Variants in HACE1 observed in about 807,000 individuals in gnomAD.
HACE1 encodes the protein E3 ubiquitin-protein ligase HACE1.
A neutral mutation model predicts 118.4 loss-of-function variants in HACE1; 73 were observed. That is an observed-to-expected ratio of 0.62 (90% CI 0.51 to 0.75). The LOEUF (loss-of-function observed/expected upper bound fraction) is 0.75, where lower values mean the gene tolerates loss of function less well. HACE1 is among the 30% of genes least tolerant of loss of function. The pLI, the probability that HACE1 is intolerant of heterozygous loss-of-function variation, is 0.00. For synonymous variants in HACE1, 368 were observed against 374.8 expected, an observed-to-expected ratio of 0.98 and a Z score of 0.21; for missense variants, 749 against 1,102.2, an observed-to-expected ratio of 0.68 and a Z score of 4.54.
At chr6:104,823,324 C>T (rs1166900467) in intron 6 of HACE1, among the ~76,000 whole-genome samples, 4 of 151,862 alleles carry the variant, frequency 2.6e-5, no homozygotes, top group Non-Finnish European at 5.9e-5. Flanking sequence ...ATCCCAGCTA[C>T]TTCGGAGGCT....
intron 20 of HACE1, among the ~76,000 whole-genome samples, 189 bp from the exon 21 acceptor site, chr6:104,744,799 A>G (rs926834412): frequency 4.6e-5 from 7 of 152,186 alleles, no homozygotes; most frequent in African/African-American, 1.7e-4. Flanking sequence ...AATCTCAAAT[A>G]TTATAAGATG....
intron 6 of HACE1, 32 bp downstream of exon 6, chr6:104,833,010 A>G: frequency 6.3e-7 from 1 of 1,595,790 alleles, no homozygotes; most frequent in Non-Finnish European, 8.6e-7. Context: ...AAACAAACAC[A>G]TGCAGCTTAA....
At chr6:104,749,519 A>T (rs1777815483) in intron 20 of HACE1, among the ~76,000 whole-genome samples, 1 of 152,134 alleles carries the variant, frequency 6.6e-6, no homozygotes, top group African/African-American at 2.4e-5. Context: ...CCATATACTA[A>T]AATGAAAGGC....
chr6:104,840,133 G>A (rs1188270681), intron 5 of HACE1, among the ~76,000 whole-genome samples: 1 of 152,188 alleles, frequency 6.6e-6, no homozygotes, highest in East Asian at 1.9e-4. Context: ...TCGGCAAAAA[G>A]TGCAGGGCAA....
intron 19 of HACE1, among the ~76,000 whole-genome samples, chr6:104,763,017 A>G (rs1203979607): frequency 1.3e-5 from 2 of 150,764 alleles, no homozygotes; most frequent in East Asian, 1.9e-4. Flanking sequence ...AAAAAGAATC[A>G]GTCAAATAAG....
intron 7 of HACE1, among the ~76,000 whole-genome samples, chr6:104,797,443 A>G (rs1769782232): frequency 6.6e-6 from 1 of 152,008 alleles, no homozygotes; most frequent in African/African-American, 2.4e-5. Context: ...AAGAACCTCA[A>G]GAGTCAGAAC....
intron 19 of HACE1, among the ~76,000 whole-genome samples, chr6:104,757,434 C>A (rs1490045523): frequency 6.6e-6 from 1 of 152,176 alleles, no homozygotes; most frequent in Non-Finnish European, 1.5e-5. Flanking sequence ...CAAACTCCAA[C>A]AGACCTGCAG....
intron 6 of HACE1, among the ~76,000 whole-genome samples, chr6:104,832,538 T>G (rs753511544): frequency 3.9e-5 from 6 of 152,010 alleles, no homozygotes; most frequent in Non-Finnish European, 8.8e-5. Context: ...GGACTACGGA[T>G]GCATGCCACC....
intron 4 of HACE1, 66 bp downstream of exon 4, chr6:104,849,076 C>T (rs550190469): frequency 2.2e-6 from 2 of 896,088 alleles, no homozygotes; most frequent in Admixed American, 3.4e-5. Context: ...AATCATCAAA[C>T]GAAGGCAAAG....
rs1774961280 is a variant in HACE1 at position 104,729,338 on chromosome 6, A to G, written c.*324T>C. 2 of 306,744 alleles carry G rather than the reference A, an allele frequency of 6.5e-6. No homozygotes were observed. The highest frequency in any genetic ancestry group is 7.2e-5 in the South Asian group (2 of 27,928). 19.0% of individuals were successfully genotyped at this position (306,744 alleles called of 1,614,324 possible). On this transcript the variant is annotated 3_prime_UTR_variant, in exon 24 of 24. Coordinates refer to ENST00000262903, the MANE Select transcript of HACE1 (RefSeq NM_020771.4). ...CACCCTTTTAACAAGACAGTTACATAGCAGAGGTGGAATGTAGAATCAGAT... is the reference window on the plus strand; with the variant it reads ...CACCCTTTTAACAAGACAGTTACATGGCAGAGGTGGAATGTAGAATCAGAT...
At chr6:104,737,633 C>T (rs562540979) in intron 22 of HACE1, among the ~76,000 whole-genome samples, 27 of 152,322 alleles carry the variant, frequency 1.8e-4, no homozygotes, top group African/African-American at 2.6e-4. Flanking sequence ...GCTTAAAAAA[C>T]GGCGCACCAC....
intron 17 of HACE1, among the ~76,000 whole-genome samples, chr6:104,774,717 C>T (rs1039649939): frequency 7.2e-5 from 11 of 152,106 alleles, no homozygotes; most frequent in Non-Finnish European, 1.0e-4. Flanking sequence ...GACACAAAGG[C>T]GCAGAATAGT....
At chr6:104,738,251 A>C (rs1412225028) in intron 22 of HACE1, among the ~76,000 whole-genome samples, 26 of 152,366 alleles carry the variant, frequency 1.7e-4, no homozygotes, top group African/African-American at 5.5e-4. Context: ...AACTCTAAAA[A>C]GCAGAGTGCC....
chr6:104,841,826 T>TA (rs1354209549), intron 5 of HACE1, among the ~76,000 whole-genome samples: 1 of 152,172 alleles, frequency 6.6e-6, no homozygotes, highest in Non-Finnish European at 1.5e-5. Context: ...AACAGTAACA[T>TA]AATTCTATGT....
intron 22 of HACE1, among the ~76,000 whole-genome samples, chr6:104,742,254 A>C: frequency 7.3e-6 from 1 of 137,342 alleles, no homozygotes; most frequent in African/African-American, 3.1e-5. Flanking sequence ...GGCATGGGCA[A>C]GGACTTCATG....
Position 104,805,279 on chromosome 6 carries a change from T to C in HACE1, c.617+6032A>G, listed in dbSNP as rs185611612. 8.7e-3 allele frequency among the ~76,000 whole-genome samples: 1,329 copies of C among 152,308 alleles called. 9 individuals are homozygous for C. Among genetic ancestry groups the C allele is most frequent in the Non-Finnish European group, 0.014 (954 of 68,026 alleles). ...GTGGGAGTGTAAATTAGTTCAATCATTGTGGAAGACAGTGTGGTGATTCCT... is the reference window on the plus strand; with the variant it reads ...GTGGGAGTGTAAATTAGTTCAATCACTGTGGAAGACAGTGTGGTGATTCCT... On this transcript the variant is annotated intron_variant, in intron 7 of 23. Transcript: ENST00000262903.
At chr6:104,747,386 A>G (rs1318751677) in intron 20 of HACE1, among the ~76,000 whole-genome samples, 2 of 152,086 alleles carry the variant, frequency 1.3e-5, no homozygotes. Context: ...AGTTCAGTAC[A>G]CTGGAGCTAC....
At chr6:104,853,766 TGAAAGGG>T (rs1776462385) in intron 1 of HACE1, among the ~76,000 whole-genome samples, 1 of 152,156 alleles carries the variant, frequency 6.6e-6, no homozygotes, top group East Asian at 1.9e-4. Flanking sequence ...TATGATCCAC[TGAAAGGG>T]GACACATCAC....
intron 7 of HACE1, among the ~76,000 whole-genome samples, chr6:104,806,507 A>T (rs1424588545): frequency 6.6e-6 from 1 of 152,166 alleles, no homozygotes; most frequent in Non-Finnish European, 1.5e-5. Context: ...AAATAGATTT[A>T]AAAACAATAA....
Sources: allele counts gnomAD v4.1 joint callset (sites outside exome capture counted in the v4.1 genomes callset), GRCh38; gene constraint gnomAD v4.1.1; transcripts MANE v1.5; gene names NCBI Gene and HGNC (gene_info 2026-07-23, HGNC 2026-07-21).